The following IQCE variants were observed in gnomAD, a reference collection of about 807,000 sequenced individuals.
IQCE encodes IQ motif containing E.
IQCE carries 115 observed loss-of-function variants against 96.0 expected under a neutral mutation model. The observed-to-expected ratio is 1.20, with a 90% CI of 1.03 to 1.40. IQCE has a LOEUF of 1.40. Ranked by LOEUF, IQCE falls within the 40% of genes most tolerant of loss-of-function variation. The pLI, the probability that IQCE is intolerant of heterozygous loss-of-function variation, is 0.00. For synonymous variants in IQCE, 412 were observed against 371.2 expected (o/e 1.11, Z -1.26); for missense variants, 1,041 against 909.1 (o/e 1.15, Z -1.87).
intron 9 of IQCE, 115 bp downstream of exon 9, chr7:2,582,765 C>T (rs977300656): frequency 5.4e-5 from 45 of 838,592 alleles, no homozygotes; most frequent in South Asian, 1.7e-4. Flanking sequence ...AGCCCAAAGC[C>T]GAAGGTGAAT....
chr7:2,577,655 C>T (rs1782264840), intron 6 of IQCE, among the ~76,000 whole-genome samples: 1 of 91,784 alleles, frequency 1.1e-5, no homozygotes, highest in African/African-American at 4.4e-5. Flanking sequence ...GTGTGCTTGG[C>T]TGTGCGCGCG....
intron 14 of IQCE, among the ~76,000 whole-genome samples, chr7:2,591,784 C>G (rs1198062903): frequency 6.6e-6 from 1 of 152,106 alleles, no homozygotes; most frequent in Admixed American, 6.5e-5. Flanking sequence ...CCACACCTGG[C>G]TAATTTTTGT....
At chr7:2,570,901 G>A (rs1001221644) in intron 3 of IQCE, among the ~76,000 whole-genome samples, 4 of 152,256 alleles carry the variant, frequency 2.6e-5, no homozygotes, top group African/African-American at 7.2e-5. Context: ...GGCACAAAAC[G>A]ATGTGTTCAC....
intron 1 of IQCE, 121 bp downstream of exon 1, chr7:2,559,338 G>A (rs1252337456): frequency 2.2e-6 from 1 of 455,638 alleles, no homozygotes; most frequent in Non-Finnish European, 3.4e-6. Context: ...CGGGGCGCAC[G>A]GCCGGGTGAC....
At chr7:2,591,345 C>G (rs1490319440) in intron 14 of IQCE, among the ~76,000 whole-genome samples, 2 of 152,154 alleles carry the variant, frequency 1.3e-5, no homozygotes, top group African/African-American at 2.4e-5. Context: ...TTCTGGAGTT[C>G]CATGACCTGT....
Position 2,583,679 on chromosome 7 carries a change from G to T in IQCE, c.744G>T (p.Met248Ile). ...TDMKTTNLEE[M>I]RIAMETYYEE... ...TGAAGACTACCAACCTGGAAGAGAT[G>T]CGGATCGCCATGGAGACATACTACG... Residue 248 changes from methionine (M) to isoleucine (I), a missense_variant, in exon 10 of 22, where the codon ATG becomes ATT. Physicochemically the swap from Met to Ile is conservative, Grantham distance 10 (BLOSUM62 1). Transcript: ENST00000402050. 1 of 1,581,490 alleles carries T rather than the reference G, an allele frequency of 6.3e-7. No individual in the cohort carries two copies.
At chr7:2,574,260 G>T (rs573920480) in intron 6 of IQCE, among the ~76,000 whole-genome samples, 5 of 152,366 alleles carry the variant, frequency 3.3e-5, no homozygotes, top group South Asian at 2.1e-4. Context: ...ACTGCGTTCA[G>T]TTGGGGCACC....
At chr7:2,575,488 G>C (rs2969048) in intron 6 of IQCE, among the ~76,000 whole-genome samples, 1 of 152,152 alleles carries the variant, frequency 6.6e-6, no homozygotes, top group Admixed American at 6.5e-5. Context: ...CCTTGTTGCC[G>C]CCAGGTAATG....
At chr7:2,566,923 AC>A (rs2128431079) in intron 1 of IQCE, among the ~76,000 whole-genome samples, 192 bp from the exon 2 acceptor site, 1 of 151,994 alleles carries the variant, frequency 6.6e-6, no homozygotes, top group South Asian at 2.1e-4. Context: ...TGTTCCCCCC[AC>A]CCACCCATTC....
intron 6 of IQCE, among the ~76,000 whole-genome samples, chr7:2,576,634 C>T (rs557040124): frequency 7.2e-5 from 11 of 152,120 alleles, no homozygotes; most frequent in Non-Finnish European, 1.5e-4. Flanking sequence ...CTCCTGACCT[C>T]GTGATCCACC....
At chr7:2,561,165 C>T (rs1490078184) in intron 1 of IQCE, among the ~76,000 whole-genome samples, 1 of 102,464 alleles carries the variant, frequency 9.8e-6, no homozygotes. Flanking sequence ...ACCATGTTGG[C>T]CAGGCTGGTC....
intron 17 of IQCE, among the ~76,000 whole-genome samples, chr7:2,601,189 C>T (rs1337920612): frequency 5.3e-5 from 8 of 152,198 alleles, no homozygotes; most frequent in African/African-American, 1.7e-4. Flanking sequence ...ACAGAGACGT[C>T]CCTTCATCTG....
chr7:2,594,758 A>G (rs570676287), intron 15 of IQCE, 128 bp from the exon 16 acceptor site: 2 of 718,298 alleles, frequency 2.8e-6, no homozygotes, highest in South Asian at 3.1e-5. Context: ...ACATGGCCCC[A>G]CCAGCTCTCT....
chr7:2,594,039 A>C (rs1275273162), intron 15 of IQCE, among the ~76,000 whole-genome samples: 1 of 152,176 alleles, frequency 6.6e-6, no homozygotes, highest in Non-Finnish European at 1.5e-5. Context: ...AGGCGGGCAG[A>C]TCGTGAGGTC....
chr7:2,580,745 C>G (rs1035363651), intron 8 of IQCE, among the ~76,000 whole-genome samples: 1 of 152,092 alleles, frequency 6.6e-6, no homozygotes. Context: ...AAGAAAGATG[C>G]AGAGGGATGT....
chr7:2,571,325 T>C (rs963954524), intron 3 of IQCE: 2 of 607,376 alleles, frequency 3.3e-6, no homozygotes, highest in African/African-American at 3.8e-5. Context: ...GGCCTCATTA[T>C]GCTATTTCTT....
chr7:2,605,117 T>C lies in IQCE; in HGVS notation c.1743+126T>C, dbSNP rs757650286. On this transcript the variant is annotated intron_variant, in intron 19 of 21. Coordinates refer to ENST00000402050, the MANE Select transcript of IQCE (RefSeq NM_152558.5). ...CCCCGCCCGCCCAGCAGGCGTCCCC[T>C]GCGCTCCATCCCTGGCCACGCAGGC... The C allele has an allele frequency of 7.5e-6, 5 of 670,722 alleles. No homozygotes were observed. The South Asian group carries it at 8.6e-5, about 12-fold the overall frequency. The allele number at this position is 670,722 out of a possible 1,614,324, so 41.5% of individuals were successfully genotyped here. A position where few individuals can be genotyped will look rare whatever the true frequency, so the allele number is the denominator to read the frequency against.
chr7:2,595,809 A>G (rs990116053), intron 16 of IQCE, among the ~76,000 whole-genome samples: 7 of 148,502 alleles, frequency 4.7e-5, no homozygotes, highest in Non-Finnish European at 1.0e-4. Context: ...GGTCGCAGCC[A>G]TGCTCTGCTC....
intron 2 of IQCE, 80 bp from the exon 3 acceptor site, chr7:2,568,874 C>A: frequency 7.6e-7 from 1 of 1,324,290 alleles, no homozygotes; most frequent in Non-Finnish European, 1.1e-6. Context: ...GACCCCTGAC[C>A]CTTTCTGAAC....
Sources: gnomAD v4.1 joint callset for allele counts (sites outside exome capture counted in the v4.1 genomes callset) on GRCh38, gnomAD v4.1.1 for gene constraint, MANE v1.5 for transcripts, NCBI Gene and HGNC (gene_info 2026-07-23, HGNC 2026-07-21) for gene names.